Variants in PRDM10 observed in about 807,000 individuals in gnomAD.
PRDM10 encodes PR/SET domain 10.
A neutral mutation model predicts 133.1 loss-of-function variants in PRDM10; 65 were observed. The ratio of observed to expected loss-of-function variants is 0.49; its 90% CI spans 0.40 to 0.60. The LOEUF (loss-of-function observed/expected upper bound fraction) is 0.60. Among genes scored for constraint, PRDM10 ranks in the 20% least tolerant of loss-of-function variants. PRDM10 has a pLI of 0.00. For synonymous variants in PRDM10, 582 were observed against 580.4 expected (o/e 1.00, Z -0.04); for missense variants, 1,137 against 1,507.1 (o/e 0.75, Z 4.07).
At chr11:129,941,824 G>C (rs892035670) in intron 7 of PRDM10, among the ~76,000 whole-genome samples, 2 of 152,220 alleles carry the variant, frequency 1.3e-5, no homozygotes, top group Admixed American at 6.5e-5. Flanking sequence ...CGTAGGTTGA[G>C]TGTATTAAGT....
At chr11:129,975,868 T>A (rs1937730495) in intron 1 of PRDM10, among the ~76,000 whole-genome samples, 1 of 152,222 alleles carries the variant, frequency 6.6e-6, no homozygotes. Context: ...TCAATAGCAG[T>A]GACTGCTGTT....
chr11:129,976,108 G>A (rs1458277305), intron 1 of PRDM10, among the ~76,000 whole-genome samples: 1 of 152,162 alleles, frequency 6.6e-6, no homozygotes, highest in African/African-American at 2.4e-5. Context: ...TCCTGTTAGA[G>A]GCCTGATCAG....
intron 7 of PRDM10, 134 bp from the exon 8 acceptor site, chr11:129,937,804 T>A: frequency 2.9e-6 from 2 of 684,500 alleles, no homozygotes; most frequent in Non-Finnish European, 2.4e-6. Context: ...AAAAAGATCA[T>A]GCTGTGAGCT....
chr11:129,925,333 TC>T (rs1950644130), intron 11 of PRDM10, 104 bp from the exon 12 acceptor site: 2 of 1,121,584 alleles, frequency 1.8e-6, no homozygotes, highest in African/African-American at 1.6e-5. Flanking sequence ...ATCACAGACT[TC>T]CCATAGAAGT....
chr11:129,989,710 C>A (rs1591702476), intron 1 of PRDM10, among the ~76,000 whole-genome samples: 3 of 152,274 alleles, frequency 2.0e-5, no homozygotes, highest in Admixed American at 2.0e-4. Context: ...AACCCATGTG[C>A]TTTAAAATGT....
At chr11:129,946,221 G>A (rs868861012) in intron 5 of PRDM10, among the ~76,000 whole-genome samples, 3 of 151,982 alleles carry the variant, frequency 2.0e-5, no homozygotes, top group African/African-American at 4.8e-5. Flanking sequence ...CTGCACTCCA[G>A]CTTGGGAGAC....
chr11:129,931,630 C>G (rs921752842), intron 10 of PRDM10, among the ~76,000 whole-genome samples: 2 of 150,720 alleles, frequency 1.3e-5, no homozygotes, highest in African/African-American at 2.4e-5. Context: ...TGCAGTGGCG[C>G]GATCTCGACT....
intron 7 of PRDM10, 40 bp downstream of exon 7, chr11:129,942,386 C>T: frequency 1.3e-6 from 2 of 1,579,040 alleles, no homozygotes; most frequent in Non-Finnish European, 1.7e-6. Flanking sequence ...AACAATCACT[C>T]TTGCTAGCAA....
chr11:129,985,951 C>T (rs186777910), intron 1 of PRDM10, among the ~76,000 whole-genome samples: 1 of 151,486 alleles, frequency 6.6e-6, no homozygotes, highest in Non-Finnish European at 1.5e-5. Flanking sequence ...TGTGGCCCTC[C>T]CATACCAATG....
rs1433984955 is a variant in PRDM10, at chr11:129,945,806, C to T, written c.521-794G>A. 6.6e-6 allele frequency among the ~76,000 whole-genome samples: 1 copy of T among 152,228 alleles called. No homozygotes were observed. The highest frequency in any genetic ancestry group is 1.5e-5 in the Non-Finnish European group (1 of 68,046). ...AACACACTTAACATGCTTTACCTTA[C>T]TCCAGCTGCATGGTGACCTGGTTTA... On this transcript the variant is annotated intron_variant, in intron 5 of 20. Transcript: ENST00000360871. The surrounding 1 kb of genome is among the most constrained non-coding windows in gnomAD (Gnocchi z 4.2).
Position 129,925,006 on chromosome 11 carries a change from G to A in PRDM10, c.1754C>T (p.Ser585Phe), listed in dbSNP as rs775702372. ...AAAGGATTCTGGGCAAAAAATGCAA[G>A]AGTAAGTCTTCTGGTCTGAGTGGAG... ...MKLHSDQKTYSCIFCPESFDR... is the reference protein window; with the variant it reads ...MKLHSDQKTYFCIFCPESFDR... Residue 585 changes from serine to phenylalanine, a missense_variant, in exon 12 of 21, where the codon TCT becomes TTT. Ser to Phe is a radical substitution (Grantham distance 155). Transcript: ENST00000360871. The A allele has an allele frequency of 4.3e-6, 7 of 1,614,190 alleles. No homozygotes were observed. The highest frequency in any genetic ancestry group is 1.1e-5 in the South Asian group (1 of 91,080).
chr11:129,903,373 G>T (rs1473062419), intron 20 of PRDM10, among the ~76,000 whole-genome samples: 2 of 100,066 alleles, frequency 2.0e-5, no homozygotes, highest in South Asian at 2.6e-4. Flanking sequence ...GTCAAGTAAG[G>T]TCATTTAAAA....
At chr11:129,994,827 G>A (rs994702406) in intron 1 of PRDM10, among the ~76,000 whole-genome samples, 7 of 151,688 alleles carry the variant, frequency 4.6e-5, no homozygotes, top group African/African-American at 1.7e-4. Flanking sequence ...AATTTTTTTT[G>A]TATTTTTAGT....
At chr11:129,963,581 T>C (rs1951846251) in intron 1 of PRDM10, among the ~76,000 whole-genome samples, 1 of 152,234 alleles carries the variant, frequency 6.6e-6, no homozygotes, top group Non-Finnish European at 1.5e-5. Flanking sequence ...GTTCCCTGCA[T>C]GTTAACATTG....
At chr11:129,903,548 G>A (rs942192377) in intron 20 of PRDM10, among the ~76,000 whole-genome samples, 3 of 152,076 alleles carry the variant, frequency 2.0e-5, no homozygotes, top group Non-Finnish European at 4.4e-5. Context: ...GTGACGTTCA[G>A]CCTGTAGCTG....
At chr11:129,971,366 T>G (rs1055634426) in intron 1 of PRDM10, among the ~76,000 whole-genome samples, 2 of 152,192 alleles carry the variant, frequency 1.3e-5, no homozygotes, top group African/African-American at 4.8e-5. Flanking sequence ...TGCTGATTGG[T>G]GCATTTACAA....
chr11:129,970,735 G>T (rs1285752557), intron 1 of PRDM10, among the ~76,000 whole-genome samples: 1 of 151,902 alleles, frequency 6.6e-6, no homozygotes, highest in African/African-American at 2.4e-5. Flanking sequence ...TAGTAGAGAC[G>T]GGGTTTCACG....
chr11:130,000,929 A>T (rs1281200480), intron 1 of PRDM10, among the ~76,000 whole-genome samples: 1 of 152,184 alleles, frequency 6.6e-6, no homozygotes, highest in Non-Finnish European at 1.5e-5. Context: ...CAAAATGATG[A>T]AACCCCGTTT....
At position 129,914,765 on chromosome 11, in the gene PRDM10, T is replaced by C; in HGVS notation, c.2780A>G (p.Gln927Arg). Residue 927 changes from glutamine to arginine, a missense_variant, in exon 17 of 21, where the codon CAG (glutamine) becomes CGG (arginine). Physicochemically the swap from Gln to Arg is conservative, Grantham distance 43 (BLOSUM62 1). Around this residue, in one of 6 missense-constraint regions of PRDM10, gnomAD observed 113 missense variants for 143.7 expected, o/e 0.79. Coordinates refer to ENST00000360871, the MANE Select transcript of PRDM10 (RefSeq NM_199437.2). Reference protein sequence around the residue: ...YQRIQYIPVSQSASGLQQPQH... With the variant: ...YQRIQYIPVSRSASGLQQPQH... ...AGGCTGCTGGAGGCCAGACGCCGAC[T>C]GCGACACAGGGATGTACTGAATTCT... 1 of 1,614,244 alleles carries C rather than the reference T, an allele frequency of 6.2e-7. No homozygotes were observed. The highest frequency in any genetic ancestry group is 8.5e-7 in the Non-Finnish European group (1 of 1,180,044).
Sources: allele counts gnomAD v4.1 joint callset (sites outside exome capture counted in the v4.1 genomes callset), GRCh38; gene constraint gnomAD v4.1.1; regional missense constraint gnomAD v4.1.1; non-coding constraint Gnocchi (gnomAD v3.1); transcripts MANE v1.5; gene names NCBI Gene and HGNC (gene_info 2026-07-23, HGNC 2026-07-21).